Variants in ATAD1 observed in about 807,000 individuals in gnomAD.
ATAD1 encodes the protein outer mitochondrial transmembrane helix translocase.
In ATAD1, 18 loss-of-function variants were observed where a neutral mutation model predicts 42.7. That is an observed-to-expected ratio of 0.42 (90% CI 0.29 to 0.63). The LOEUF (loss-of-function observed/expected upper bound fraction) is 0.63. ATAD1 is among the 20% of genes least tolerant of loss of function. The pLI, the probability that ATAD1 is intolerant of heterozygous loss-of-function variation, is 0.19. For missense variants in ATAD1, 294 were observed against 440.4 expected, an observed-to-expected ratio of 0.67 and a Z score of 2.98; for synonymous variants, 132 against 143.1, an observed-to-expected ratio of 0.92 and a Z score of 0.55.
At chr10:87,771,244 G>A (rs1327732022) in intron 6 of ATAD1, among the ~76,000 whole-genome samples, 2 of 151,962 alleles carry the variant, frequency 1.3e-5, no homozygotes, top group African/African-American at 4.8e-5. Flanking sequence ...TAGCAAAACT[G>A]GAAAACTAAT....
chr10:87,777,525 G>A lies in ATAD1; in HGVS notation c.584-1098C>T, dbSNP rs535263942. Reference sequence around the variant, plus strand: ...AAATTATCTACAATGAACATGAAATGCTTTTTTAAAAAAAGGGGAAAACAA... The same window carrying A: ...AAATTATCTACAATGAACATGAAATACTTTTTTAAAAAAAGGGGAAAACAA... On this transcript the variant is annotated intron_variant, in intron 5 of 9. Coordinates refer to ENST00000680024, the MANE Select transcript of ATAD1 (RefSeq NM_001321967.2). Among the ~76,000 whole-genome samples the A allele has an allele frequency of 1.2e-4, 18 of 151,480 alleles. No individual in the cohort carries two copies. The Middle Eastern group carries it at 0.014, about 114-fold the overall frequency.
Position 87,814,339 on chromosome 10 carries a change from G to C in ATAD1, c.162+99C>G, listed in dbSNP as rs1171908854. ...AATACATTTTCATGTGGGTCTTATA[G>C]AATTTCTCATTAATTTGTGAACTCT... On this transcript the variant is annotated intron_variant, in intron 2 of 9. Coordinates refer to ENST00000680024, the MANE Select transcript of ATAD1 (RefSeq NM_001321967.2). 7.0e-6 allele frequency: 8 copies of C among 1,135,198 alleles called. No homozygotes were observed. In the East Asian group the frequency reaches 1.8e-4, roughly 25 times the overall value. The allele number at this position is 1,135,198 out of a possible 1,614,324, so 70.3% of individuals were successfully genotyped here. A position where few individuals can be genotyped will look rare whatever the true frequency, so the allele number is the denominator to read the frequency against.
chr10:87,798,970 G>C (rs1428193822), intron 2 of ATAD1, among the ~76,000 whole-genome samples: 1 of 152,024 alleles, frequency 6.6e-6, no homozygotes, highest in East Asian at 1.9e-4. Flanking sequence ...TGTACACAAT[G>C]TTTCACTACT....
rs1405294431 is a variant in ATAD1, at chr10:87,754,459, C to A, written c.*228G>T. The A allele has an allele frequency of 1.2e-5, 4 of 346,852 alleles. No individual in the cohort carries two copies. Among genetic ancestry groups the A allele is most frequent in the Non-Finnish European group, 1.5e-5 (3 of 193,668 alleles). The allele number at this position is 346,852 out of a possible 1,614,324, so 21.5% of individuals were successfully genotyped here. On this transcript the variant is annotated 3_prime_UTR_variant, in exon 10 of 10. Transcript: ENST00000680024. ...AATATATGGCTGAAAAGGTCAAACA[C>A]AAGCACCCACGTTCAGGCTGGATTC... is the stretch of plus-strand genomic sequence containing the variant.
chr10:87,809,454 C>A (rs1857076182), intron 2 of ATAD1, among the ~76,000 whole-genome samples: 1 of 151,290 alleles, frequency 6.6e-6, no homozygotes. Flanking sequence ...GTCTTTCTGT[C>A]TCAGGTTGGC....
chr10:87,821,744 C>G (rs1256704184), upstream of ATAD1, among the ~76,000 whole-genome samples: 1 of 152,176 alleles, frequency 6.6e-6, no homozygotes, highest in African/African-American at 2.4e-5. Flanking sequence ...GAAGGATACC[C>G]TCACCAGACA....
chr10:87,770,053 T>G (rs1419485430), intron 7 of ATAD1, among the ~76,000 whole-genome samples: 2 of 152,232 alleles, frequency 1.3e-5, no homozygotes, highest in Non-Finnish European at 2.9e-5. Context: ...GTGCACACAC[T>G]TAACCACTTT....
At chr10:87,796,870 G>C (rs1423477451) in intron 2 of ATAD1, among the ~76,000 whole-genome samples, 1 of 152,196 alleles carries the variant, frequency 6.6e-6, no homozygotes, top group African/African-American at 2.4e-5. Flanking sequence ...ATTTGGTGGA[G>C]ACCTAAAGTT....
chr10:87,838,917 A>G (rs1326063111), intron 1 of ATAD1, among the ~76,000 whole-genome samples: 2 of 152,190 alleles, frequency 1.3e-5, no homozygotes, highest in African/African-American at 4.8e-5. Flanking sequence ...AGTCTATGGT[A>G]TTTTGTTTTG....
chr10:87,756,642 C>T, intron 9 of ATAD1, 147 bp downstream of exon 9: 1 of 695,564 alleles, frequency 1.4e-6, no homozygotes, highest in Non-Finnish European at 2.1e-6. Context: ...GGAAAAATGG[C>T]AATAAATAAA....
At chr10:87,771,231 T>C (rs1451623347) in intron 6 of ATAD1, among the ~76,000 whole-genome samples, 190 bp from the exon 7 acceptor site, 1 of 152,156 alleles carries the variant, frequency 6.6e-6, no homozygotes, top group Non-Finnish European at 1.5e-5. Context: ...ATAAATCAAA[T>C]ATTAGCAAAA....
upstream of ATAD1, among the ~76,000 whole-genome samples, chr10:87,823,177 C>T (rs1857662497): frequency 6.6e-6 from 1 of 150,896 alleles, no homozygotes; most frequent in African/African-American, 2.4e-5. Flanking sequence ...AAACTTTACA[C>T]ATAATTTTAA....
At chr10:87,813,792 CATAA>C (rs1373826203) in intron 2 of ATAD1, among the ~76,000 whole-genome samples, 7 of 151,350 alleles carry the variant, frequency 4.6e-5, no homozygotes, top group African/African-American at 1.5e-4. Flanking sequence ...TTCAATAAGA[CATAA>C]ATATTTTAGT....
chr10:87,797,810 A>C (rs947623889), intron 2 of ATAD1, among the ~76,000 whole-genome samples: 1 of 152,188 alleles, frequency 6.6e-6, no homozygotes, highest in African/African-American at 2.4e-5. Context: ...TGCATTCTAA[A>C]GGGTCTTCTC....
At chr10:87,824,892 T>C (rs1189919769) in intron 1 of ATAD1, among the ~76,000 whole-genome samples, 1 of 152,242 alleles carries the variant, frequency 6.6e-6, no homozygotes, top group Non-Finnish European at 1.5e-5. Flanking sequence ...ATGATAGTTA[T>C]ATAAAACCTG....
rs1855302349 is a variant in ATAD1 at position 87,776,327 on chromosome 10, G to T, written c.684C>A (p.Ser228Arg). 1 of 1,610,166 alleles carries T rather than the reference G, an allele frequency of 6.2e-7. No individual in the cohort carries two copies. Among genetic ancestry groups the T allele is most frequent in the African/African-American group, 1.3e-5 (1 of 74,764 alleles). Residue 228 changes from serine (S) to arginine (R), a missense_variant, in exon 6 of 10, where the codon AGC becomes AGA. Around this residue, in one of 3 missense-constraint regions of ATAD1, gnomAD observed 142 missense variants for 174.6 expected, o/e 0.81. Transcript: ENST00000680024. ...GCAGATTTTATTCAAATACCTGGCA[G>T]CTGTGATCAGTATCCAATCCATCCC... ...SLWDGLDTDHSCQVIVMGATN... is the reference protein window; with the variant it reads ...SLWDGLDTDHRCQVIVMGATN...
At chr10:87,827,118 A>G (rs547187386) in intron 1 of ATAD1, among the ~76,000 whole-genome samples, 3 of 152,368 alleles carry the variant, frequency 2.0e-5, no homozygotes, top group Admixed American at 2.0e-4. Context: ...AGCATGCAGG[A>G]TGCAGATTAT....
chr10:87,789,987 C>G (rs1256226671), intron 4 of ATAD1, among the ~76,000 whole-genome samples: 1 of 151,806 alleles, frequency 6.6e-6, no homozygotes, highest in East Asian at 1.9e-4. Context: ...GGCTTGAAAA[C>G]AAAACAAAAC....
At chr10:87,826,805 G>A (rs954974752) in intron 1 of ATAD1, among the ~76,000 whole-genome samples, 1 of 152,158 alleles carries the variant, frequency 6.6e-6, no homozygotes, top group African/African-American at 2.4e-5. Flanking sequence ...GATGTCTAAA[G>A]CCATGAAATA....
Sources: gnomAD v4.1 joint callset for allele counts (sites outside exome capture counted in the v4.1 genomes callset) on GRCh38, gnomAD v4.1.1 for gene constraint, gnomAD v4.1.1 regional missense constraint, MANE v1.5 for transcripts, NCBI Gene and HGNC (gene_info 2026-07-23, HGNC 2026-07-21) for gene names.